Variants in KNTC1 observed in about 807,000 individuals in gnomAD.
KNTC1 encodes the protein kinetochore-associated protein 1.
KNTC1 carries 253 observed loss-of-function variants against 314.4 expected under a neutral mutation model. The observed-to-expected ratio is 0.80, with a 90% CI of 0.73 to 0.89. KNTC1 has a LOEUF of 0.89. KNTC1 is among the 40% of genes least tolerant of loss of function. The probability of loss-of-function intolerance (pLI) is 0.00; values close to 1 mark genes in which losing one functional copy is unlikely to be tolerated. For synonymous variants in KNTC1, 901 were observed against 901.4 expected (o/e 1.00, Z 0.01); for missense variants, 2,475 against 2,572.9 (o/e 0.96, Z 0.82).
chr12:122,559,529 T>TA (rs776067163), intron 18 of KNTC1, among the ~76,000 whole-genome samples: 1 of 151,942 alleles, frequency 6.6e-6, no homozygotes, highest in Non-Finnish European at 1.5e-5. Flanking sequence ...TATATTTTGT[T>TA]AAAAAATACA....
In KNTC1 at chr12:122,601,504, T is replaced by C. The variant is rs547227662; in HGVS notation, c.4564-32T>C. 36 of 1,494,470 alleles carry C rather than the reference T, an allele frequency of 2.4e-5. No individual in the cohort carries two copies. The South Asian group carries it at 2.6e-4, about 11-fold the overall frequency. 92.6% of individuals were successfully genotyped at this position (1,494,470 alleles called of 1,614,324 possible). A position where few individuals can be genotyped will look rare whatever the true frequency, so the allele number is the denominator to read the frequency against. On this transcript the variant is annotated intron_variant, in intron 44 of 63. Transcript: ENST00000333479. ...AAAATTTCAACATGGCAAAGTCTTA[T>C]CAAGTTTTGATATATTTTTGTTTTT...
rs1170422574 is a variant in KNTC1 at position 122,575,780 on chromosome 12, A to G, written c.2487-20A>G. ...CATAAAAAAGACAATCCATGTTAAT[A>G]TGGGTAAATTTGCTTTCAGAGTCAA... On this transcript the variant is annotated intron_variant, in intron 28 of 63. Transcript: ENST00000333479. 5 of 1,595,922 alleles carry G rather than the reference A, an allele frequency of 3.1e-6. No homozygotes were observed. Among genetic ancestry groups the G allele is most frequent in the East Asian group, 4.5e-5 (2 of 44,802 alleles).
chr12:122,564,724 G>C (rs1473194686), intron 20 of KNTC1, among the ~76,000 whole-genome samples: 1 of 151,976 alleles, frequency 6.6e-6, no homozygotes, highest in Non-Finnish European at 1.5e-5. Context: ...TGCCTGCCTC[G>C]GCCTCCCAAA....
At chr12:122,606,419 T>C (rs866038178) in intron 51 of KNTC1, among the ~76,000 whole-genome samples, 1 of 152,040 alleles carries the variant, frequency 6.6e-6, no homozygotes, top group Non-Finnish European at 1.5e-5. Flanking sequence ...GGTTTCACCA[T>C]GTTGGCCAAG....
intron 59 of KNTC1, chr12:122,620,211 G>T: frequency 4.4e-5 from 8 of 183,494 alleles, no homozygotes; most frequent in Non-Finnish European, 5.6e-5. Flanking sequence ...TGAGAATTTA[G>T]AAGCCTATCT....
At chr12:122,582,269 T>A (rs1868517538) in intron 33 of KNTC1, among the ~76,000 whole-genome samples, 1 of 152,024 alleles carries the variant, frequency 6.6e-6, no homozygotes, top group African/African-American at 2.4e-5. Flanking sequence ...ATAACAAAAA[T>A]TAGCTGGGCG....
Position 122,618,485 on chromosome 12 carries a change from C to G in KNTC1, c.6089C>G (p.Ser2030Cys). 6.2e-7 allele frequency: 1 copy of G among 1,608,954 alleles called. No individual in the cohort carries two copies. ...TGTTTTTTTGTTTTGTTTTCAGCCT[C>G]TTGTCCTTTAAGTCCTGATCAGCTG... Reference protein sequence around the residue: ...RVIQIPLLSASCPLSPDQLSD... With the variant: ...RVIQIPLLSACCPLSPDQLSD... Residue 2030 changes from serine (S) to cysteine (C), a missense_variant, in exon 59 of 64, where the codon TCT becomes TGT. Ser to Cys is a moderately radical substitution (Grantham distance 112, BLOSUM62 -1). Coordinates refer to ENST00000333479, the MANE Select transcript of KNTC1 (RefSeq NM_014708.6).
At chr12:122,554,540 A>G (rs893753396) in intron 16 of KNTC1, among the ~76,000 whole-genome samples, 7 of 152,300 alleles carry the variant, frequency 4.6e-5, no homozygotes, top group African/African-American at 1.7e-4. Context: ...TATTGGTAAC[A>G]TCTGCTTTAT....
intron 1 of KNTC1, among the ~76,000 whole-genome samples, chr12:122,529,065 A>G (rs1961088864): frequency 6.6e-6 from 1 of 152,112 alleles, no homozygotes; most frequent in East Asian, 1.9e-4. Flanking sequence ...GCTGGTCTCA[A>G]ACTCCTGACC....
At chr12:122,624,828 G>T (rs1874845588) in intron 63 of KNTC1, 140 bp downstream of exon 63, 2 of 693,902 alleles carry the variant, frequency 2.9e-6, no homozygotes, top group East Asian at 5.9e-5. Flanking sequence ...TTTACTTTTT[G>T]TGTTAGAGAG....
intron 44 of KNTC1, among the ~76,000 whole-genome samples, chr12:122,600,989 T>C (rs1373521624): frequency 1.3e-5 from 2 of 152,092 alleles, no homozygotes; most frequent in East Asian, 3.9e-4. Flanking sequence ...TTGTGCAGCT[T>C]TTAAAAACAG....
chr12:122,618,463 T>A lies in KNTC1; in HGVS notation c.6086-19T>A. The A allele has an allele frequency of 6.2e-7, 1 of 1,610,964 alleles. No individual in the cohort carries two copies. The highest frequency in any genetic ancestry group is 8.5e-7 in the Non-Finnish European group (1 of 1,178,472). On this transcript the variant is annotated intron_variant, in intron 58 of 63. Transcript: ENST00000333479. ...TTGAGTGTGTGTATATCATGGTTGT[T>A]TTTTTGTTTTGTTTTCAGCCTCTTG...
intron 18 of KNTC1, 72 bp from the exon 19 acceptor site, chr12:122,561,849 A>T: frequency 2.3e-6 from 3 of 1,320,456 alleles, no homozygotes; most frequent in Non-Finnish European, 2.1e-6. Flanking sequence ...TTGTTATTTC[A>T]CAGAAAATCC....
At chr12:122,539,604 G>A (rs1302860060) in intron 4 of KNTC1, 72 bp from the exon 5 acceptor site, 10 of 1,074,606 alleles carry the variant, frequency 9.3e-6, no homozygotes, top group Non-Finnish European at 1.4e-5. Flanking sequence ...TAACTCTAGA[G>A]TTTAAAGAAT....
intron 55 of KNTC1, 72 bp downstream of exon 55, chr12:122,613,833 C>G: frequency 1.4e-6 from 2 of 1,446,308 alleles, no homozygotes; most frequent in Non-Finnish European, 9.2e-7. Flanking sequence ...AAACCAGGAA[C>G]AGTCTTTTTG....
chr12:122,530,214 G>A (rs1961202018), intron 2 of KNTC1, 22 bp downstream of exon 2: 1 of 1,605,446 alleles, frequency 6.2e-7, no homozygotes, highest in African/African-American at 1.3e-5. Context: ...TACACTGACT[G>A]TTTCATTCAC....
intron 54 of KNTC1, 174 bp downstream of exon 54, chr12:122,613,404 T>A: frequency 1.5e-6 from 1 of 656,046 alleles, no homozygotes; most frequent in Admixed American, 3.2e-5. Context: ...TTTGAGAACA[T>A]CTTGTTTCCA....
chr12:122,586,485 A>T (rs894048570), intron 37 of KNTC1, among the ~76,000 whole-genome samples: 3 of 152,242 alleles, frequency 2.0e-5, no homozygotes, highest in Non-Finnish European at 2.9e-5. Context: ...TTTTTAAAGC[A>T]TCAGTTCGCT....
At position 122,604,927 on chromosome 12, in the gene KNTC1, G is replaced by T. The variant is rs757408657; in HGVS notation, c.5226G>T (p.Gln1742His). The T allele has an allele frequency of 1.7e-5, 27 of 1,610,430 alleles. No individual in the cohort carries two copies. Among genetic ancestry groups the T allele is most frequent in the Non-Finnish European group, 2.1e-5 (25 of 1,178,352 alleles). ...AEALLKKLHI[Q>H]YRRSGTEAVL... ...CTTTGTTGAAGAAGCTTCATATCCA[G>T]TACCGGCGATCGGGCACAGAAGCTG... is the stretch of plus-strand genomic sequence containing the variant. Residue 1742 changes from glutamine (Q) to histidine (H), a missense_variant, in exon 50 of 64, where the codon CAG (glutamine) becomes CAT (histidine). Physicochemically the swap from Gln to His is conservative, Grantham distance 24. Transcript: ENST00000333479.
Sources: allele counts gnomAD v4.1 joint callset (sites outside exome capture counted in the v4.1 genomes callset), GRCh38; gene constraint gnomAD v4.1.1; transcripts MANE v1.5; gene names NCBI Gene and HGNC (gene_info 2026-07-23, HGNC 2026-07-21).